Variants in PTPN4 observed in about 807,000 individuals in gnomAD.
PTPN4 encodes the protein tyrosine-protein phosphatase non-receptor type 4.
PTPN4 carries 49 observed loss-of-function variants against 135.5 expected under a neutral mutation model. The ratio of observed to expected loss-of-function variants is 0.36; its 90% CI spans 0.29 to 0.46. The LOEUF (loss-of-function observed/expected upper bound fraction) is 0.46. Ranked by LOEUF, PTPN4 falls within the 20% of genes least tolerant of loss-of-function variation. The probability of loss-of-function intolerance (pLI) is 1.00; values close to 1 mark genes in which losing one functional copy is unlikely to be tolerated. For synonymous variants in PTPN4, 333 were observed against 369.9 expected (o/e 0.90, Z 1.14); for missense variants, 860 against 1,101.0 (o/e 0.78, Z 3.10).
intron 13 of PTPN4, among the ~76,000 whole-genome samples, chr2:119,929,270 T>C (rs905770505): frequency 3.3e-5 from 5 of 152,060 alleles, no homozygotes; most frequent in African/African-American, 7.2e-5. Context: ...TGAACAGATA[T>C]ATGTCTACCA....
At chr2:119,926,023 G>T (rs1388913576) in intron 12 of PTPN4, among the ~76,000 whole-genome samples, 4 of 152,108 alleles carry the variant, frequency 2.6e-5, no homozygotes, top group African/African-American at 9.7e-5. Flanking sequence ...TTTATCCATG[G>T]AAAATGGTCT....
chr2:119,864,439 TC>T (rs890227952), intron 3 of PTPN4, among the ~76,000 whole-genome samples: 5 of 152,156 alleles, frequency 3.3e-5, no homozygotes, highest in African/African-American at 1.2e-4. Context: ...CTGTTATACC[TC>T]ATTAAGTATA....
chr2:119,933,806 T>C (rs1678943276), intron 14 of PTPN4, among the ~76,000 whole-genome samples: 1 of 152,176 alleles, frequency 6.6e-6, no homozygotes, highest in Non-Finnish European at 1.5e-5. Flanking sequence ...AAGTTACTCC[T>C]AGAAAAAAAT....
intron 2 of PTPN4, among the ~76,000 whole-genome samples, chr2:119,833,376 A>G (rs569634099): frequency 6.6e-6 from 1 of 152,094 alleles, no homozygotes; most frequent in East Asian, 1.9e-4. Context: ...GTGTATCTGC[A>G]TGCCAATCCA....
intron 1 of PTPN4, among the ~76,000 whole-genome samples, chr2:119,762,332 A>C (rs186124028): frequency 5.2e-4 from 79 of 151,832 alleles, no homozygotes; most frequent in South Asian, 2.1e-4. Context: ...GGTAATAAAA[A>C]CTTTTCAGCT....
intron 9 of PTPN4, among the ~76,000 whole-genome samples, chr2:119,898,277 T>C (rs1678353422): frequency 6.6e-6 from 1 of 152,196 alleles, no homozygotes; most frequent in Non-Finnish European, 1.5e-5. Flanking sequence ...AGCTAGACTT[T>C]GGTTTGGTTT....
chr2:119,791,863 T>TC (rs146934424), intron 1 of PTPN4, among the ~76,000 whole-genome samples: 2,562 of 152,320 alleles, frequency 0.017, 41 homozygotes, highest in Non-Finnish European at 0.027. Flanking sequence ...CATTATTTCT[T>TC]CAAGTATTCT....
chr2:119,949,979 T>C (rs1166549034), intron 18 of PTPN4, among the ~76,000 whole-genome samples: 1 of 152,106 alleles, frequency 6.6e-6, no homozygotes, highest in Non-Finnish European at 1.5e-5. Context: ...TTTAGACTTG[T>C]CAGATCAGAA....
chr2:119,828,655 GT>G (rs1018547660), intron 2 of PTPN4, among the ~76,000 whole-genome samples: 2 of 152,184 alleles, frequency 1.3e-5, no homozygotes, highest in African/African-American at 4.8e-5. Flanking sequence ...TGCTCCAGCA[GT>G]TTATGAGACT....
At chr2:119,810,779 C>T (rs1691561469) in intron 2 of PTPN4, among the ~76,000 whole-genome samples, 1 of 152,066 alleles carries the variant, frequency 6.6e-6, no homozygotes, top group South Asian at 2.1e-4. Context: ...TAAATTGACC[C>T]AGTGTTAACA....
chr2:119,797,984 TAAA>T (rs1691293424), intron 1 of PTPN4, among the ~76,000 whole-genome samples: 1 of 152,112 alleles, frequency 6.6e-6, no homozygotes, highest in Non-Finnish European at 1.5e-5. Context: ...TTTTTGAACA[TAAA>T]AAGTAGATTT....
chr2:119,919,563 A>G (rs1024761355), intron 11 of PTPN4, among the ~76,000 whole-genome samples: 2 of 152,116 alleles, frequency 1.3e-5, no homozygotes, highest in African/African-American at 4.8e-5. Context: ...GGGGCTCATG[A>G]TATAATCCCA....
At position 119,920,096 on chromosome 2, in the gene PTPN4, T is replaced by G. The variant is rs1427669653; in HGVS notation, c.856T>G (p.Phe286Val). ...TGAATCTAGAGAAACATTATTGGGATTTAATATGGTGAATTACAGAGCATG... is the reference window on the plus strand; with the variant it reads ...TGAATCTAGAGAAACATTATTGGGAGTTAATATGGTGAATTACAGAGCATG... ...LHESRETLLG[F>V]NMVNYRACKN... The change falls in exon 12 of 27, where the codon TTT becomes GTT. Residue 286 changes from phenylalanine (F) to valine (V), a missense_variant. Phe to Val is a conservative substitution (Grantham distance 50). Around this residue, in one of 2 missense-constraint regions of PTPN4, gnomAD observed 684 missense variants for 807.0 expected, o/e 0.85. Coordinates refer to ENST00000263708, the MANE Select transcript of PTPN4 (RefSeq NM_002830.4). 6.2e-7 allele frequency: 1 copy of G among 1,607,718 alleles called. No individual in the cohort carries two copies. Among genetic ancestry groups the G allele is most frequent in the Admixed American group, 1.7e-5 (1 of 58,744 alleles).
At position 119,862,516 on chromosome 2, in the gene PTPN4, ATT is replaced by A. The variant is rs746106466; in HGVS notation, c.139-6_139-5del. On this transcript the variant is annotated intron_variant, in intron 2 of 26. Coordinates refer to ENST00000263708, the MANE Select transcript of PTPN4 (RefSeq NM_002830.4). Reference sequence around the variant, plus strand: ...AACCTATCAAAGTTGATTTCATTCAATTTTTTTTTTTTTTTACAGAAACATGA... The same window carrying A: ...AACCTATCAAAGTTGATTTCATTCAATTTTTTTTTTTTTACAGAAACATGA... The A allele has an allele frequency of 4.3e-3, 5,652 of 1,322,940 alleles. No individual in the cohort carries two copies. The highest frequency in any genetic ancestry group is 5.1e-3 in the South Asian group (386 of 75,582). The allele number at this position is 1,322,940 out of a possible 1,614,324, so 82.0% of individuals were successfully genotyped here.
intron 22 of PTPN4, among the ~76,000 whole-genome samples, chr2:119,960,016 T>C (rs974257745): frequency 1.3e-5 from 2 of 152,152 alleles, no homozygotes; most frequent in African/African-American, 4.8e-5. Context: ...ATACTACCAT[T>C]TTTAAGCAAC....
intron 10 of PTPN4, among the ~76,000 whole-genome samples, chr2:119,904,696 T>C (rs1405967256): frequency 6.6e-6 from 1 of 152,176 alleles, no homozygotes; most frequent in African/African-American, 2.4e-5. Context: ...CAATGGCAGA[T>C]TCCTAATCAA....
intron 9 of PTPN4, among the ~76,000 whole-genome samples, chr2:119,887,411 C>T (rs1188040361): frequency 1.3e-5 from 2 of 152,122 alleles, no homozygotes; most frequent in Non-Finnish European, 2.9e-5. Context: ...CAGCTGAGCC[C>T]AGGAGTCTAA....
intron 6 of PTPN4, 102 bp downstream of exon 6, chr2:119,881,932 A>T: frequency 9.1e-7 from 1 of 1,097,926 alleles, no homozygotes; most frequent in South Asian, 1.4e-5. Flanking sequence ...CAAATTATTT[A>T]AGAAGGTTAC....
intron 1 of PTPN4, among the ~76,000 whole-genome samples, chr2:119,795,800 G>C (rs1324574408): frequency 6.6e-6 from 1 of 152,230 alleles, no homozygotes; most frequent in Non-Finnish European, 1.5e-5. Context: ...GCCCAGTTCT[G>C]CCTTGGGGCC....
Sources: allele counts gnomAD v4.1 joint callset (sites outside exome capture counted in the v4.1 genomes callset), GRCh38; gene constraint gnomAD v4.1.1; regional missense constraint gnomAD v4.1.1; transcripts MANE v1.5; gene names NCBI Gene and HGNC (gene_info 2026-07-23, HGNC 2026-07-21).